The following TFPT variants were observed in gnomAD, a reference collection of about 807,000 sequenced individuals.
TFPT encodes TCF3 fusion partner.
TFPT carries 27 observed loss-of-function variants against 28.8 expected under a neutral mutation model. The ratio of observed to expected loss-of-function variants is 0.94; its 90% CI spans 0.69 to 1.29. The LOEUF is 1.29. Among genes scored for constraint, TFPT ranks in the 50% most tolerant of loss-of-function variants. The pLI is 0.00. For missense variants in TFPT, 330 were observed against 338.0 expected (o/e 0.98, Z 0.19); for synonymous variants, 152 against 142.8 (o/e 1.06, Z -0.46).
Position 54,114,429 on chromosome 19 carries a change from C to T in TFPT, c.282+13G>A. 6.2e-7 allele frequency: 1 copy of T among 1,606,292 alleles called. No individual in the cohort carries two copies. Among genetic ancestry groups the T allele is most frequent in the South Asian group, 1.1e-5 (1 of 90,366 alleles). On this transcript the variant is annotated intron_variant, in intron 2 of 5. Coordinates refer to ENST00000391759, the MANE Select transcript of TFPT (RefSeq NM_013342.4). Reference sequence around the variant, plus strand: ...CAGGGGACCCCAAAACCGGGGGATCCGCACTCACCTACCTGCTCGATCTCC... The same window carrying T: ...CAGGGGACCCCAAAACCGGGGGATCTGCACTCACCTACCTGCTCGATCTCC...
intron 3 of TFPT, among the ~76,000 whole-genome samples, chr19:54,109,792 A>T (rs1336098369): frequency 3.1e-4 from 9 of 28,804 alleles, no homozygotes; most frequent in Non-Finnish European, 6.3e-4. Context: ...CAGGGGGAGG[A>T]TGCCCTCCAC....
In TFPT at chr19:54,114,426, A is replaced by G; in HGVS notation, c.282+16T>C. On this transcript the variant is annotated intron_variant, in intron 2 of 5. Transcript: ENST00000391759. ...GGCCAGGGGACCCCAAAACCGGGGG[A>G]TCCGCACTCACCTACCTGCTCGATC... The G allele has an allele frequency of 6.2e-7, 1 of 1,605,782 alleles. No individual in the cohort carries two copies. Among genetic ancestry groups the G allele is most frequent in the East Asian group, 2.2e-5 (1 of 44,766 alleles).
Position 54,115,507 on chromosome 19 carries a change from C to G in TFPT, c.-238G>C. The G allele has an allele frequency of 1.7e-6, 1 of 600,154 alleles. No homozygotes were observed. Among genetic ancestry groups the G allele is most frequent in the East Asian group, 2.8e-5 (1 of 36,172 alleles). The allele number at this position is 600,154 out of a possible 1,614,324, so 37.2% of individuals were successfully genotyped here. Reference sequence around the variant, plus strand: ...TTCTTGTCTAACGCCGCAACCAGTCCTCTGAGTTGCCAACGTCTTTCTTCT... The same window carrying G: ...TTCTTGTCTAACGCCGCAACCAGTCGTCTGAGTTGCCAACGTCTTTCTTCT... On this transcript the variant is annotated 5_prime_UTR_variant, in exon 1 of 6. Coordinates refer to ENST00000391759, the MANE Select transcript of TFPT (RefSeq NM_013342.4).
At chr19:54,110,220 C>T in intron 2 of TFPT, 99 bp from the exon 3 acceptor site, 1 of 1,295,090 alleles carries the variant, frequency 7.7e-7, no homozygotes, top group Middle Eastern at 1.8e-4. Flanking sequence ...GGAGACTGGC[C>T]AAAGACCATC....
rs1399000192 is a variant in TFPT, at chr19:54,115,430, C to T, written c.-161G>A. 4.2e-6 allele frequency: 4 copies of T among 955,806 alleles called. No homozygotes were observed. Among genetic ancestry groups the T allele is most frequent in the African/African-American group, 3.3e-5 (2 of 61,528 alleles). The allele number at this position is 955,806 out of a possible 1,614,324, so 59.2% of individuals were successfully genotyped here. A position where few individuals can be genotyped will look rare whatever the true frequency, so the allele number is the denominator to read the frequency against. On this transcript the variant is annotated 5_prime_UTR_variant, in exon 1 of 6. Transcript: ENST00000391759. Reference sequence around the variant, plus strand: ...AGTTGTAGTTTCCTGTTTCCGGCTTCGCTTCGGCCCACCCCCACGTCCACC... The same window carrying T: ...AGTTGTAGTTTCCTGTTTCCGGCTTTGCTTCGGCCCACCCCCACGTCCACC...
chr19:54,110,179 C>T (rs587731961), intron 2 of TFPT, 58 bp from the exon 3 acceptor site: 249 of 1,592,580 alleles, frequency 1.6e-4, no homozygotes, highest in Admixed American at 2.0e-4. Flanking sequence ...ATTTGTTTAA[C>T]GGATGTTTAA....
rs1470909591 is a variant in TFPT, at chr19:54,115,631, T to A, written c.-362A>T. The A allele has an allele frequency of 4.8e-6, 2 of 418,072 alleles. No homozygotes were observed. Among genetic ancestry groups the A allele is most frequent in the Non-Finnish European group, 4.3e-6 (1 of 230,988 alleles). The allele number at this position is 418,072 out of a possible 1,614,324, so 25.9% of individuals were successfully genotyped here. A position where few individuals can be genotyped will look rare whatever the true frequency, so the allele number is the denominator to read the frequency against. Reference sequence around the variant, plus strand: ...CCTTTCCTCCTCGCGGCTTACCGCCTCTCTCCGCCTAGTGCCAGGTGCTAA... The same window carrying A: ...CCTTTCCTCCTCGCGGCTTACCGCCACTCTCCGCCTAGTGCCAGGTGCTAA... On this transcript the variant is annotated 5_prime_UTR_variant, in exon 1 of 6. Coordinates refer to ENST00000391759, the MANE Select transcript of TFPT (RefSeq NM_013342.4).
intron 1 of TFPT, chr19:54,115,025 G>A (rs1230503534): frequency 1.4e-6 from 1 of 723,712 alleles, no homozygotes; most frequent in African/African-American, 1.8e-5. Context: ...AGACGCAAGA[G>A]TCCTGGCTTC....
At chr19:54,114,359 TGGG>T in intron 2 of TFPT, 80 bp downstream of exon 2, 1 of 1,532,814 alleles carries the variant, frequency 6.5e-7, no homozygotes, top group East Asian at 2.3e-5. Flanking sequence ...CAAGAAAGGC[TGGG>T]CATGTGGAAA....
rs1052681064 is a variant in TFPT, at chr19:54,107,885, G to A, written c.642+141C>T. On this transcript the variant is annotated intron_variant, in intron 5 of 5. Coordinates refer to ENST00000391759, the MANE Select transcript of TFPT (RefSeq NM_013342.4). ...AACTTTCCCCAGCCCTGGGCCCCTC[G>A]GGGTGCAGAACCAAAACCCAAGAGC... 27 of 768,908 alleles carry A rather than the reference G, an allele frequency of 3.5e-5. No homozygotes were observed. The South Asian group carries it at 3.8e-4, about 11-fold the overall frequency. 47.6% of individuals were successfully genotyped at this position (768,908 alleles called of 1,614,324 possible). A position where few individuals can be genotyped will look rare whatever the true frequency, so the allele number is the denominator to read the frequency against.
chr19:54,112,038 C>G (rs2073471125), intron 2 of TFPT, among the ~76,000 whole-genome samples: 1 of 151,908 alleles, frequency 6.6e-6, no homozygotes, highest in South Asian at 2.1e-4. Context: ...GCCTATAATC[C>G]CAGCACTTTG....
rs2073600725 is a variant in TFPT, at chr19:54,115,478, T to G, written c.-209A>C. ...ACCCCGAATCCCTGCTTAAAGGCCT[T>G]GCTTTCTTGTCTAACGCCGCAACCA... On this transcript the variant is annotated 5_prime_UTR_variant, in exon 1 of 6. Coordinates refer to ENST00000391759, the MANE Select transcript of TFPT (RefSeq NM_013342.4). 1 of 631,078 alleles carries G rather than the reference T, an allele frequency of 1.6e-6. No homozygotes were observed. Among genetic ancestry groups the G allele is most frequent in the Admixed American group, 2.9e-5 (1 of 34,470 alleles). The allele number at this position is 631,078 out of a possible 1,614,324, so 39.1% of individuals were successfully genotyped here.
intron 3 of TFPT, 111 bp downstream of exon 3, chr19:54,109,940 C>T: frequency 1.7e-6 from 2 of 1,151,776 alleles, no homozygotes; most frequent in Non-Finnish European, 2.6e-6. Context: ...TCTCCGGCTT[C>T]TCCTTGTGGC....
chr19:54,114,879 G>A (rs1010712813), intron 1 of TFPT, among the ~76,000 whole-genome samples, 179 bp from the exon 2 acceptor site: 2 of 142,602 alleles, frequency 1.4e-5, no homozygotes, highest in Non-Finnish European at 3.1e-5. Flanking sequence ...AGACCCAGAA[G>A]TCCAAGTCCG....
chr19:54,110,269 C>T lies in TFPT; in HGVS notation c.283-148G>A, dbSNP rs768854961. On this transcript the variant is annotated intron_variant, in intron 2 of 5. Transcript: ENST00000391759. Reference sequence around the variant, plus strand: ...TCCTTCCACCTTCCCATCCCTCCGGCTCCCCTCTCACCATGCCACAGTCCT... The same window carrying T: ...TCCTTCCACCTTCCCATCCCTCCGGTTCCCCTCTCACCATGCCACAGTCCT... 1.5e-3 allele frequency: 1,173 copies of T among 794,850 alleles called. 2 individuals are homozygous for T. Among genetic ancestry groups the T allele is most frequent in the Non-Finnish European group, 2.2e-3 (1,066 of 478,108 alleles). 49.2% of individuals were successfully genotyped at this position (794,850 alleles called of 1,614,324 possible).
chr19:54,107,689 C>G, intron 5 of TFPT: 47 of 347,260 alleles, frequency 1.4e-4, no homozygotes, highest in East Asian at 1.9e-4. Context: ...TTCTCTGATC[C>G]TTCCTTCTCC....
Position 54,114,643 on chromosome 19 carries a change from C to A in TFPT, c.81G>T (p.Ala27=), listed in dbSNP as rs144433588. ...TGTGGCCACCAAATAGGGGAGGCAA[C>A]GCCAACTCTGAGCCTGGCGGCGCTG... ...EFSAPPGSEL[A]LPPLFGGHIL... Residue 27 remains alanine (A), a synonymous_variant, in exon 2 of 6, where the codon GCG becomes GCT. Coordinates refer to ENST00000391759, the MANE Select transcript of TFPT (RefSeq NM_013342.4). 6.8e-6 allele frequency: 11 copies of A among 1,614,018 alleles called. No homozygotes were observed. Among genetic ancestry groups the A allele is most frequent in the Non-Finnish European group, 8.5e-6 (10 of 1,180,026 alleles).
chr19:54,115,204 T>C, intron 1 of TFPT, 43 bp downstream of exon 1: 1 of 1,614,080 alleles, frequency 6.2e-7, no homozygotes, highest in Non-Finnish European at 8.5e-7. Flanking sequence ...AGCTGCACTG[T>C]TTTCTGGGAT....
chr19:54,111,958 C>A (rs2073468214), intron 2 of TFPT, among the ~76,000 whole-genome samples: 1 of 151,952 alleles, frequency 6.6e-6, no homozygotes, highest in South Asian at 2.1e-4. Context: ...CCAGCCTGGA[C>A]AACAAGAGCG....
Sources: allele counts gnomAD v4.1 joint callset (sites outside exome capture counted in the v4.1 genomes callset), GRCh38; gene constraint gnomAD v4.1.1; transcripts MANE v1.5; gene names NCBI Gene and HGNC (gene_info 2026-07-23, HGNC 2026-07-21).